The following AAK1 variants were observed in gnomAD, a reference collection of about 807,000 sequenced individuals.
AAK1 encodes AP2 associated kinase 1.
Under a neutral mutation model 116.0 loss-of-function variants are expected in AAK1, and 37 were observed. The ratio of observed to expected loss-of-function variants is 0.32; its 90% CI spans 0.25 to 0.42. AAK1 has a LOEUF of 0.42. Ranked by LOEUF, AAK1 falls within the 10% of genes least tolerant of loss-of-function variation. The probability of loss-of-function intolerance (pLI) is 1.00; values close to 1 mark genes in which losing one functional copy is unlikely to be tolerated. For synonymous variants in AAK1, 458 were observed against 439.9 expected (o/e 1.04, Z -0.51); for missense variants, 919 against 1,170.6 (o/e 0.79, Z 3.14).
Position 69,473,282 on chromosome 2 carries a change from G to A in AAK1, c.*2587C>T. 1.0e-6 allele frequency: 1 copy of A among 973,534 alleles called. No individual in the cohort carries two copies. 60.3% of individuals were successfully genotyped at this position (973,534 alleles called of 1,614,324 possible). On this transcript the variant is annotated 3_prime_UTR_variant, in exon 22 of 22. Coordinates refer to ENST00000409085, the MANE Select transcript of AAK1 (RefSeq NM_014911.5). ...CACCTGTAAAATGAAGAGGATGGTG[G>A]ACTAGAGGATGGTCTCAAAGGTCCC...
intron 2 of AAK1, chr2:69,598,796 T>C (rs1673422474): frequency 1.5e-5 from 3 of 200,750 alleles, no homozygotes; most frequent in Non-Finnish European, 3.0e-5. Context: ...GCTGGGATTA[T>C]AGGTATGAGC....
intron 15 of AAK1, 122 bp downstream of exon 15, chr2:69,507,299 G>T: frequency 8.2e-7 from 1 of 1,223,844 alleles, no homozygotes; most frequent in Non-Finnish European, 1.1e-6. Flanking sequence ...TTATGCAAAG[G>T]CCCAAGCCTA....
chr2:69,473,701 CTAGA>C lies in AAK1; in HGVS notation c.*2164_*2167del. ...TCATAGTTTCAATTAAATTGAGAAA[CTAGA>C]TATTTCATTATATTTCTAACATGTA... is the stretch of plus-strand genomic sequence containing the variant. On this transcript the variant is annotated 3_prime_UTR_variant, in exon 22 of 22. Transcript: ENST00000409085. The C allele has an allele frequency of 2.1e-6, 2 of 962,370 alleles. No homozygotes were observed. Among genetic ancestry groups the C allele is most frequent in the Non-Finnish European group, 2.5e-6 (2 of 808,674 alleles). The allele number at this position is 962,370 out of a possible 1,614,324, so 59.6% of individuals were successfully genotyped here.
At position 69,473,585 on chromosome 2, in the gene AAK1, AGCC is replaced by A; in HGVS notation, c.*2281_*2283del. 1 of 985,450 alleles carries A rather than the reference AGCC, an allele frequency of 1.0e-6. No homozygotes were observed. The allele number at this position is 985,450 out of a possible 1,614,324, so 61.0% of individuals were successfully genotyped here. A position where few individuals can be genotyped will look rare whatever the true frequency, so the allele number is the denominator to read the frequency against. ...TAACTGCCTCCATTAAGCTTTACTG[AGCC>A]AAATGACTAGATAATATATTTCAAT... On this transcript the variant is annotated 3_prime_UTR_variant, in exon 22 of 22. Transcript: ENST00000409085.
intron 5 of AAK1, among the ~76,000 whole-genome samples, chr2:69,537,203 T>G (rs184358892): frequency 6.6e-6 from 1 of 152,242 alleles, no homozygotes; most frequent in Non-Finnish European, 1.5e-5. Flanking sequence ...GATCTTTATC[T>G]TTCTCAGAGA....
At chr2:69,505,787 T>A (rs773099738) in intron 15 of AAK1, 114 bp from the exon 16 acceptor site, 5 of 647,770 alleles carry the variant, frequency 7.7e-6, no homozygotes, top group Non-Finnish European at 1.1e-5. Flanking sequence ...CTACTTTTAC[T>A]GCATTATGGC....
chr2:69,608,900 A>G (rs1196294130), intron 2 of AAK1, among the ~76,000 whole-genome samples: 1 of 152,264 alleles, frequency 6.6e-6, no homozygotes, highest in Non-Finnish European at 1.5e-5. Context: ...ATAATCAAGA[A>G]TAAACTCAAC....
At chr2:69,530,223 C>A in intron 7 of AAK1, 83 bp from the exon 8 acceptor site, 1 of 1,379,994 alleles carries the variant, frequency 7.2e-7, no homozygotes, top group Non-Finnish European at 9.7e-7. Flanking sequence ...TGGCACCATC[C>A]ACATTTACTA....
At chr2:69,514,799 C>A in intron 12 of AAK1, 50 bp from the exon 13 acceptor site, 1 of 1,490,202 alleles carries the variant, frequency 6.7e-7, no homozygotes, top group South Asian at 1.4e-5. Context: ...GAATAATAGT[C>A]ACAAAAGACA....
chr2:69,595,725 TG>T (rs1673250484), intron 2 of AAK1, among the ~76,000 whole-genome samples: 1 of 152,232 alleles, frequency 6.6e-6, no homozygotes, highest in South Asian at 2.1e-4. Flanking sequence ...AGACCATTGA[TG>T]AAGGTGGCTT....
chr2:69,504,599 C>A (rs1241898851), intron 16 of AAK1, among the ~76,000 whole-genome samples: 1 of 151,970 alleles, frequency 6.6e-6, no homozygotes, highest in Non-Finnish European at 1.5e-5. Flanking sequence ...GACATCCCGT[C>A]TCTACAAACA....
At chr2:69,568,308 G>A (rs933185019) in intron 2 of AAK1, among the ~76,000 whole-genome samples, 1 of 151,976 alleles carries the variant, frequency 6.6e-6, no homozygotes, top group Non-Finnish European at 1.5e-5. Context: ...TACTGCTTTT[G>A]TAGAAAGATC....
chr2:69,620,134 G>A (rs1674530065), intron 2 of AAK1, among the ~76,000 whole-genome samples: 1 of 152,206 alleles, frequency 6.6e-6, no homozygotes, highest in Non-Finnish European at 1.5e-5. Context: ...CTGGCCCAGA[G>A]AGACAGCAAC....
chr2:69,574,595 A>G lies in AAK1; in HGVS notation c.164-17617T>C, dbSNP rs1295801781. Among the ~76,000 whole-genome samples, 6 of 150,332 alleles carry G rather than the reference A, an allele frequency of 4.0e-5. No homozygotes were observed. The East Asian group carries it at 1.2e-3, about 30-fold the overall frequency. The stretch of plus-strand genomic sequence containing the variant: ...AAGAGCCCATTGCCTTAAAAAAATA[A>G]GAGAGAGAGAGAGATATTTGGCTTA... On this transcript the variant is annotated intron_variant, in intron 2 of 21. Transcript: ENST00000409085.
chr2:69,461,240 C>T lies in AAK1; in HGVS notation c.*14629G>A, dbSNP rs564452720. 42 of 159,734 alleles carry T rather than the reference C, an allele frequency of 2.6e-4. No individual in the cohort carries two copies. The highest frequency in any genetic ancestry group is 4.8e-4 in the Non-Finnish European group (35 of 72,760). The allele number at this position is 159,734 out of a possible 1,614,324, so 9.9% of individuals were successfully genotyped here. ...GTACAGGTTTGTAGCCCAGGAGCAA[C>T]AGGCTGGACCATATAGCCTAGGTAG... On this transcript the variant is annotated 3_prime_UTR_variant, in exon 22 of 22. Coordinates refer to ENST00000409085, the MANE Select transcript of AAK1 (RefSeq NM_014911.5).
chr2:69,527,686 G>A (rs60144758), intron 8 of AAK1, among the ~76,000 whole-genome samples: 6,363 of 152,178 alleles, frequency 0.042, 421 homozygotes, highest in African/African-American at 0.14. Flanking sequence ...CTTACTAAAC[G>A]AATGATTATT....
At chr2:69,533,269 T>C (rs1338001412) in intron 5 of AAK1, among the ~76,000 whole-genome samples, 2 of 152,120 alleles carry the variant, frequency 1.3e-5, no homozygotes, top group African/African-American at 4.8e-5. Context: ...CAATGCTTGG[T>C]ATAAAAAATG....
chr2:69,600,293 T>G (rs1223433184), intron 2 of AAK1, among the ~76,000 whole-genome samples: 2 of 148,472 alleles, frequency 1.3e-5, no homozygotes, highest in African/African-American at 2.5e-5. Flanking sequence ...TGTCTCAGTT[T>G]TTTTTTTTTT....
chr2:69,468,828 T>C lies in AAK1; in HGVS notation c.*7041A>G. On this transcript the variant is annotated 3_prime_UTR_variant, in exon 22 of 22. Coordinates refer to ENST00000409085, the MANE Select transcript of AAK1 (RefSeq NM_014911.5). ...GTTGGAGAGGATGGAAGAACATGTC[T>C]AACCCATCAAAATTATTTGTTAAAA... 3.0e-6 allele frequency: 3 copies of C among 985,436 alleles called. No homozygotes were observed. Among genetic ancestry groups the C allele is most frequent in the Non-Finnish European group, 3.6e-6 (3 of 829,942 alleles). The allele number at this position is 985,436 out of a possible 1,614,324, so 61.0% of individuals were successfully genotyped here.
Sources: allele counts gnomAD v4.1 joint callset (sites outside exome capture counted in the v4.1 genomes callset), GRCh38; gene constraint gnomAD v4.1.1; transcripts MANE v1.5; gene names NCBI Gene and HGNC (gene_info 2026-07-23, HGNC 2026-07-21).